The following HEATR5B variants were observed in gnomAD, a reference collection of about 807,000 sequenced individuals.
HEATR5B encodes HEAT repeat-containing protein 5B.
Under a neutral mutation model 224.1 loss-of-function variants are expected in HEATR5B, and 156 were observed. The ratio of observed to expected loss-of-function variants is 0.70; its 90% CI spans 0.61 to 0.80. HEATR5B has a LOEUF of 0.80. Ranked by LOEUF, HEATR5B falls within the 30% of genes least tolerant of loss-of-function variation. The pLI is 0.00. For synonymous variants in HEATR5B, 1,027 were observed against 893.0 expected (o/e 1.15, Z -2.68); for missense variants, 2,323 against 2,535.5 (o/e 0.92, Z 1.80).
chr2:37,040,589 TGTTA>T, intron 19 of HEATR5B, 71 bp from the exon 20 acceptor site: 1 of 1,127,038 alleles, frequency 8.9e-7, no homozygotes, highest in Non-Finnish European at 1.3e-6. Context: ...TATACTGAAT[TGTTA>T]CATGGGTATA....
intron 2 of HEATR5B, among the ~76,000 whole-genome samples, chr2:37,082,164 G>T (rs1040668221): frequency 7.5e-6 from 1 of 132,526 alleles, no homozygotes; most frequent in South Asian, 2.5e-4. Context: ...CTGCCTTTCC[G>T]GCTCAAGCGA....
intron 8 of HEATR5B, among the ~76,000 whole-genome samples, chr2:37,068,158 A>G (rs915551429): frequency 6.6e-6 from 1 of 152,192 alleles, no homozygotes; most frequent in African/African-American, 2.4e-5. Context: ...ATCTAAGACA[A>G]TAACTATTTA....
rs1668953407 is a variant in HEATR5B at position 37,028,989 on chromosome 2, A to G, written c.3362-69T>C. The G allele has an allele frequency of 2.7e-6, 4 of 1,479,010 alleles. No homozygotes were observed. The Admixed American group carries it at 7.6e-5, about 28-fold the overall frequency. The allele number at this position is 1,479,010 out of a possible 1,614,324, so 91.6% of individuals were successfully genotyped here. On this transcript the variant is annotated intron_variant, in intron 22 of 35. Coordinates refer to ENST00000233099, the MANE Select transcript of HEATR5B (RefSeq NM_019024.3). ...GTACGCTATAGGTAACAATTATGAT[A>G]AAGACCAAGTCTTACATATAAATTC... is the stretch of plus-strand genomic sequence containing the variant.
intron 33 of HEATR5B, among the ~76,000 whole-genome samples, chr2:36,996,325 T>A (rs1243202712): frequency 1.3e-5 from 2 of 151,974 alleles, no homozygotes; most frequent in African/African-American, 4.8e-5. Context: ...TCTCAAAGTG[T>A]TGGGATTACA....
chr2:37,019,680 C>T (rs1039434694), intron 26 of HEATR5B, 129 bp downstream of exon 26: 25 of 619,350 alleles, frequency 4.0e-5, no homozygotes, highest in Non-Finnish European at 6.2e-5. Flanking sequence ...TGATCTCAAA[C>T]TCCTGAATTC....
chr2:37,070,469 G>C, intron 6 of HEATR5B, 82 bp from the exon 7 acceptor site: 1 of 1,073,176 alleles, frequency 9.3e-7, no homozygotes, highest in African/African-American at 1.6e-5. Flanking sequence ...TATTTTTAAG[G>C]ACACTTTACT....
Position 37,032,764 on chromosome 2 carries a change from A to T in HEATR5B, c.3226T>A (p.Cys1076Ser). 1 of 1,612,100 alleles carries T rather than the reference A, an allele frequency of 6.2e-7. No individual in the cohort carries two copies. Among genetic ancestry groups the T allele is most frequent in the Non-Finnish European group, 8.5e-7 (1 of 1,179,468 alleles). Residue 1076 changes from cysteine (C) to serine (S), a missense_variant, in exon 22 of 36, where the codon TGT becomes AGT. Physicochemically the swap from Cys to Ser is moderately radical, Grantham distance 112 (BLOSUM62 -1). Transcript: ENST00000233099. ...SLVPSLCVHLCSSHLLLRRAA... is the reference protein window; with the variant it reads ...SLVPSLCVHLSSSHLLLRRAA... ...CGTCGAAGTAACAAATGGGAACTACATAAGTGAACCTGTAAATCATAACAA... is the reference window on the plus strand; with the variant it reads ...CGTCGAAGTAACAAATGGGAACTACTTAAGTGAACCTGTAAATCATAACAA...
intron 2 of HEATR5B, among the ~76,000 whole-genome samples, chr2:37,081,550 G>T (rs1481778685): frequency 1.3e-5 from 2 of 152,118 alleles, no homozygotes; most frequent in East Asian, 1.9e-4. Flanking sequence ...AGAGATCACG[G>T]TTTTTTTAAG....
At chr2:37,001,238 C>G (rs1667068229) in intron 32 of HEATR5B, among the ~76,000 whole-genome samples, 1 of 152,114 alleles carries the variant, frequency 6.6e-6, no homozygotes, top group Non-Finnish European at 1.5e-5. Flanking sequence ...TCAACCTAAT[C>G]AGACCAGGAA....
At chr2:37,065,226 A>C (rs1671518221) in intron 9 of HEATR5B, among the ~76,000 whole-genome samples, 3 of 152,134 alleles carry the variant, frequency 2.0e-5, no homozygotes, top group African/African-American at 7.2e-5. Context: ...TCTTCAACAA[A>C]TTTTAGTCAA....
chr2:36,983,339 C>T (rs1201507735), intron 35 of HEATR5B, among the ~76,000 whole-genome samples: 2 of 148,868 alleles, frequency 1.3e-5, no homozygotes, highest in African/African-American at 5.0e-5. Context: ...ACCAGCCTAA[C>T]CAACATGGAG....
intron 4 of HEATR5B, 73 bp downstream of exon 4, chr2:37,076,838 A>T (rs1440170686): frequency 8.8e-7 from 1 of 1,142,604 alleles, no homozygotes; most frequent in African/African-American, 1.5e-5. Context: ...AGAAAAAGAA[A>T]CAAACATATT....
intron 27 of HEATR5B, among the ~76,000 whole-genome samples, 183 bp downstream of exon 27, chr2:37,013,658 G>A (rs1470920026): frequency 6.6e-6 from 1 of 152,290 alleles, no homozygotes; most frequent in East Asian, 1.9e-4. Context: ...CTCATATTAT[G>A]TAGGAGAGCC....
At chr2:37,047,912 C>T (rs2148517040) in intron 18 of HEATR5B, among the ~76,000 whole-genome samples, 1 of 152,284 alleles carries the variant, frequency 6.6e-6, no homozygotes, top group Admixed American at 6.5e-5. Context: ...CATTACTTTA[C>T]ATAGCAGTAT....
At chr2:37,033,091 G>C (rs1411128750) in intron 21 of HEATR5B, among the ~76,000 whole-genome samples, 2 of 151,976 alleles carry the variant, frequency 1.3e-5, no homozygotes, top group Non-Finnish European at 2.9e-5. Context: ...ACGTTGGCCA[G>C]GCTGGTTTCG....
intron 33 of HEATR5B, among the ~76,000 whole-genome samples, chr2:36,998,453 G>GT (rs1666871830): frequency 6.6e-6 from 1 of 152,180 alleles, no homozygotes; most frequent in African/African-American, 2.4e-5. Flanking sequence ...TGGTGAGAGC[G>GT]TAAATTCATG....
intron 33 of HEATR5B, among the ~76,000 whole-genome samples, chr2:36,992,886 A>G (rs1666430735): frequency 6.6e-6 from 1 of 151,790 alleles, no homozygotes; most frequent in African/African-American, 2.4e-5. Context: ...CACCATGTAC[A>G]GCTGAATTTA....
chr2:37,021,615 G>T (rs1668462909), intron 24 of HEATR5B, among the ~76,000 whole-genome samples: 1 of 152,062 alleles, frequency 6.6e-6, no homozygotes, highest in Admixed American at 6.6e-5. Flanking sequence ...TAGGCAGGGC[G>T]AAGTGGCTCA....
At chr2:37,013,352 A>C (rs1317628658) in intron 27 of HEATR5B, among the ~76,000 whole-genome samples, 1 of 152,220 alleles carries the variant, frequency 6.6e-6, no homozygotes, top group East Asian at 1.9e-4. Context: ...ATATTTTTTA[A>C]AGTGACTGTG....
Sources: allele counts gnomAD v4.1 joint callset (sites outside exome capture counted in the v4.1 genomes callset), GRCh38; gene constraint gnomAD v4.1.1; transcripts MANE v1.5; gene names NCBI Gene and HGNC (gene_info 2026-07-23, HGNC 2026-07-21).